The following LASP1 variants were observed in gnomAD, a reference collection of about 807,000 sequenced individuals.
The protein encoded by LASP1 is LIM and SH3 protein 1.
Under a neutral mutation model 38.6 loss-of-function variants are expected in LASP1, and 10 were observed. The observed-to-expected ratio is 0.26, with a 90% confidence interval of 0.16 to 0.44. The LOEUF is 0.44. Ranked by LOEUF, LASP1 falls within the 20% of genes least tolerant of loss-of-function variation. LASP1 has a pLI of 1.00. For missense variants in LASP1, 243 were observed against 375.7 expected (o/e 0.65, Z 2.92); for synonymous variants, 132 against 140.8 (o/e 0.94, Z 0.44).
At chr17:38,917,690 T>G (rs1468593333) in intron 6 of LASP1, among the ~76,000 whole-genome samples, 2 of 152,062 alleles carry the variant, frequency 1.3e-5, no homozygotes, top group Non-Finnish European at 2.9e-5. Context: ...TCTGTTTTTT[T>G]TTTCTTTTTT....
rs141320621 is a variant in LASP1 at position 38,878,112 on chromosome 17, C to T, written c.96C>T (p.Cys32=). ...TCTGGCATAAAGCATGCTTCCATTG[C>T]GAGACCTGCAAGATGACACTGAACA... is the stretch of plus-strand genomic sequence containing the variant. ...DKFWHKACFH[C]ETCKMTLNMK... The change falls in exon 2 of 7, where the codon TGC becomes TGT. Residue 32 remains cysteine, a synonymous_variant. Transcript: ENST00000318008. The T allele has an allele frequency of 1.4e-3, 2,269 of 1,613,816 alleles. 16 individuals are homozygous for T. In the East Asian group the frequency reaches 0.015, roughly 11 times the overall value.
chr17:38,882,622 A>G (rs1174996522), intron 2 of LASP1, among the ~76,000 whole-genome samples: 2 of 152,140 alleles, frequency 1.3e-5, no homozygotes, highest in African/African-American at 2.4e-5. Flanking sequence ...AGAGATATTT[A>G]TGCCCTCCAT....
chr17:38,890,395 C>T, intron 2 of LASP1, 25 bp from the exon 3 acceptor site: 1 of 1,601,988 alleles, frequency 6.2e-7, no homozygotes, highest in Non-Finnish European at 8.6e-7. Flanking sequence ...AGAGTCACCC[C>T]CACTCTGTTT....
chr17:38,884,746 A>G (rs2143752617), intron 2 of LASP1, among the ~76,000 whole-genome samples: 1 of 137,320 alleles, frequency 7.3e-6, no homozygotes, highest in Non-Finnish European at 1.5e-5. Context: ...GTGGAAGTGC[A>G]GAGGTGTGAT....
intron 1 of LASP1, among the ~76,000 whole-genome samples, chr17:38,876,150 C>G (rs769676383): frequency 6.6e-6 from 1 of 151,372 alleles, no homozygotes; most frequent in Non-Finnish European, 1.5e-5. Context: ...TCCAGGCTGC[C>G]ACGTGGAGCC....
chr17:38,917,476 A>G (rs1429762963), intron 6 of LASP1, among the ~76,000 whole-genome samples: 1 of 151,968 alleles, frequency 6.6e-6, no homozygotes, highest in Non-Finnish European at 1.5e-5. Flanking sequence ...GCCTTACTGA[A>G]CATTACCTAG....
chr17:38,879,357 C>T (rs900060284), intron 2 of LASP1, among the ~76,000 whole-genome samples: 25 of 151,586 alleles, frequency 1.6e-4, no homozygotes, highest in African/African-American at 6.1e-4. Context: ...GGGGTTTCAC[C>T]GTGTTGGCCA....
chr17:38,884,849 C>A (rs958714509), intron 2 of LASP1, among the ~76,000 whole-genome samples: 1 of 151,754 alleles, frequency 6.6e-6, no homozygotes, highest in African/African-American at 2.4e-5. Context: ...TGTCACCACG[C>A]CCGGCTAATT....
At chr17:38,876,993 T>C (rs1198400339) in intron 1 of LASP1, among the ~76,000 whole-genome samples, 3 of 152,080 alleles carry the variant, frequency 2.0e-5, no homozygotes, top group Non-Finnish European at 2.9e-5. Context: ...TGAGCCACCG[T>C]GCCCGGCCGT....
intron 1 of LASP1, among the ~76,000 whole-genome samples, chr17:38,874,724 C>T (rs1468458858): frequency 6.6e-6 from 1 of 152,192 alleles, no homozygotes; most frequent in East Asian, 1.9e-4. Context: ...AGGCGACCAC[C>T]CTCCTCTGCC....
Position 38,892,950 on chromosome 17 carries a change from C to T in LASP1, c.249+2446C>T, listed in dbSNP as rs144563450. Among the ~76,000 whole-genome samples, 57 of 152,066 alleles carry T rather than the reference C, an allele frequency of 3.7e-4. No individual in the cohort carries two copies. In the East Asian group the frequency reaches 5.4e-3, roughly 14 times the overall value. ...GCCTCACTGAGGGCCAGAGCGTGTC[C>T]GTGTGTGTATGTGTGTGTGTGTGCG... On this transcript the variant is annotated intron_variant, in intron 3 of 6. Transcript: ENST00000318008.
At chr17:38,896,544 T>C (rs1598113201) in intron 3 of LASP1, among the ~76,000 whole-genome samples, 1 of 152,350 alleles carries the variant, frequency 6.6e-6, no homozygotes, top group East Asian at 1.9e-4. Flanking sequence ...CCATGGCGAT[T>C]ATTCCCCTGG....
chr17:38,897,779 T>C (rs1914529035), intron 3 of LASP1, among the ~76,000 whole-genome samples: 1 of 152,218 alleles, frequency 6.6e-6, no homozygotes, highest in Non-Finnish European at 1.5e-5. Context: ...AAAGGCGCAC[T>C]GATGGAGCCT....
intron 6 of LASP1, among the ~76,000 whole-genome samples, chr17:38,917,313 T>C (rs1915160196): frequency 1.3e-5 from 2 of 152,202 alleles, no homozygotes; most frequent in African/African-American, 2.4e-5. Flanking sequence ...GGTTTCAAAC[T>C]GTCCTGTGGA....
chr17:38,897,694 G>A (rs1012793212), intron 3 of LASP1, among the ~76,000 whole-genome samples: 1 of 152,176 alleles, frequency 6.6e-6, no homozygotes, highest in African/African-American at 2.4e-5. Flanking sequence ...TCTGACCCCC[G>A]CTGCTTTCCT....
intron 2 of LASP1, among the ~76,000 whole-genome samples, chr17:38,883,052 C>T (rs1913999978): frequency 6.6e-6 from 1 of 152,070 alleles, no homozygotes; most frequent in Non-Finnish European, 1.5e-5. Flanking sequence ...AGGCTGGGTG[C>T]TTAAGTGTCT....
chr17:38,915,166 G>C lies in LASP1; in HGVS notation c.612+20G>C, dbSNP rs1915083478. On this transcript the variant is annotated intron_variant, in intron 6 of 6. Coordinates refer to ENST00000318008, the MANE Select transcript of LASP1 (RefSeq NM_006148.4). Reference sequence around the variant, plus strand: ...GGCGGGGTGAGTAACCCTGGCCGGAGGGGAGAGGCCAGAGGCAGGGGGTCC... The same window carrying C: ...GGCGGGGTGAGTAACCCTGGCCGGACGGGAGAGGCCAGAGGCAGGGGGTCC... 6.2e-7 allele frequency: 1 copy of C among 1,605,782 alleles called. No homozygotes were observed. The highest frequency in any genetic ancestry group is 8.5e-7 in the Non-Finnish European group (1 of 1,173,082).
intron 3 of LASP1, among the ~76,000 whole-genome samples, chr17:38,893,711 A>G (rs1471567620): frequency 6.6e-6 from 1 of 151,948 alleles, no homozygotes; most frequent in Non-Finnish European, 1.5e-5. Flanking sequence ...AGGACAGCAA[A>G]CCCAGTTGCC....
intron 2 of LASP1, among the ~76,000 whole-genome samples, chr17:38,888,169 A>G (rs905320856): frequency 6.6e-6 from 1 of 152,082 alleles, no homozygotes; most frequent in African/African-American, 2.4e-5. Flanking sequence ...CACAAACCAC[A>G]TGGCTCAGAG....
Sources: allele counts gnomAD v4.1 joint callset (sites outside exome capture counted in the v4.1 genomes callset), GRCh38; gene constraint gnomAD v4.1.1; transcripts MANE v1.5; gene names NCBI Gene and HGNC (gene_info 2026-07-23, HGNC 2026-07-21).